GRAMD1C: variants seen among roughly 807,000 people sequenced by gnomAD.
GRAMD1C encodes the protein protein Aster-C.
A neutral mutation model predicts 97.8 loss-of-function variants in GRAMD1C; 89 were observed. The ratio of observed to expected loss-of-function variants is 0.91; its 90% CI spans 0.77 to 1.09. GRAMD1C has a LOEUF of 1.09. Among genes scored for constraint, GRAMD1C ranks in the 50% least tolerant of loss-of-function variants. GRAMD1C has a pLI of 0.00. For synonymous variants in GRAMD1C, 256 were observed against 267.0 expected, an observed-to-expected ratio of 0.96 and a Z score of 0.40; for missense variants, 740 against 766.4, an observed-to-expected ratio of 0.97 and a Z score of 0.41.
chr3:113,854,053 TG>T (rs930145086), intron 2 of GRAMD1C, among the ~76,000 whole-genome samples: 2 of 152,022 alleles, frequency 1.3e-5, no homozygotes, highest in African/African-American at 4.8e-5. Context: ...CCTAGGTTTC[TG>T]GTCAGTGCAA....
intron 11 of GRAMD1C, 56 bp downstream of exon 11, chr3:113,930,888 G>A: frequency 2.3e-6 from 2 of 862,808 alleles, no homozygotes; most frequent in Non-Finnish European, 3.8e-6. Flanking sequence ...GAGAGAAGAT[G>A]CCTATTATAG....
At chr3:113,933,680 G>C in intron 12 of GRAMD1C, 27 bp downstream of exon 12, 2 of 1,529,414 alleles carry the variant, frequency 1.3e-6, no homozygotes, top group Non-Finnish European at 1.8e-6. Context: ...GAATGTGTTA[G>C]GATAGGCTAG....
chr3:113,832,447 T>C (rs1047731530), intron 1 of GRAMD1C, among the ~76,000 whole-genome samples: 2 of 152,210 alleles, frequency 1.3e-5, no homozygotes, highest in African/African-American at 4.8e-5. Flanking sequence ...TATGTTATGG[T>C]AAAATATACA....
At chr3:113,885,221 G>A (rs1028288687) in intron 6 of GRAMD1C, 6 of 847,012 alleles carry the variant, frequency 7.1e-6, no homozygotes, top group African/African-American at 3.4e-5. Context: ...CCCTCCCTTC[G>A]GCGGGGGTTG....
intron 1 of GRAMD1C, among the ~76,000 whole-genome samples, chr3:113,840,032 T>A (rs528867058): frequency 6.6e-6 from 1 of 152,180 alleles, no homozygotes; most frequent in South Asian, 2.1e-4. Context: ...AGTGGCGCAA[T>A]CTCGGCTCAC....
Position 113,938,079 on chromosome 3 carries a change from T to C in GRAMD1C, c.1634-7T>C. On this transcript the variant is annotated splice_region_variant and splice_polypyrimidine_tract_variant and intron_variant, in intron 14 of 17. Coordinates refer to ENST00000358160, the MANE Select transcript of GRAMD1C (RefSeq NM_017577.5). The stretch of plus-strand genomic sequence containing the variant: ...TTCTAATGCAGCCTTTTTCTTGTGA[T>C]CTACAGGAAAGAAAAAGGAAATGGA... The C allele has an allele frequency of 2.1e-6, 3 of 1,444,494 alleles. No individual in the cohort carries two copies. The highest frequency in any genetic ancestry group is 1.2e-5 in the South Asian group (1 of 81,758). 89.5% of individuals were successfully genotyped at this position (1,444,494 alleles called of 1,614,324 possible). A position where few individuals can be genotyped will look rare whatever the true frequency, so the allele number is the denominator to read the frequency against.
At chr3:113,875,107 C>T (rs1293954560) in intron 3 of GRAMD1C, among the ~76,000 whole-genome samples, 1 of 150,728 alleles carries the variant, frequency 6.6e-6, no homozygotes, top group African/African-American at 2.4e-5. Flanking sequence ...TCCTTCTGAC[C>T]CTTTATTGAT....
chr3:113,904,280 T>G lies in GRAMD1C; in HGVS notation c.789+8T>G. On this transcript the variant is annotated splice_region_variant and intron_variant, in intron 8 of 17. Transcript: ENST00000358160. ...GGAAATTCATCAAAAGGAGTTAGTATATGATATCCCTTTTAAAATATATCT... is the reference window on the plus strand; with the variant it reads ...GGAAATTCATCAAAAGGAGTTAGTAGATGATATCCCTTTTAAAATATATCT... The G allele has an allele frequency of 6.4e-7, 1 of 1,571,140 alleles. No individual in the cohort carries two copies. Among genetic ancestry groups the G allele is most frequent in the Non-Finnish European group, 8.8e-7 (1 of 1,141,124 alleles).
chr3:113,898,782 A>G (rs778191283), intron 6 of GRAMD1C, among the ~76,000 whole-genome samples: 9 of 152,148 alleles, frequency 5.9e-5, no homozygotes, highest in Non-Finnish European at 8.8e-5. Flanking sequence ...TAACTTGAAT[A>G]GCTTTATTTT....
rs1256188993 is a variant in GRAMD1C at position 113,849,307 on chromosome 3, A to ATTTT, written c.174+4661_174+4664dup. ...TATTTATTTATTTATTTATTTATTT[A>ATTTT]TTTTTTATTGATCATTCTTGGGTGT... On this transcript the variant is annotated intron_variant, in intron 2 of 17. Coordinates refer to ENST00000358160, the MANE Select transcript of GRAMD1C (RefSeq NM_017577.5). 1.8e-3 allele frequency among the ~76,000 whole-genome samples: 258 copies of ATTTT among 141,008 alleles called. 1 individual carries two copies. The highest frequency in any genetic ancestry group is 4.1e-3 in the African/African-American group (156 of 38,318). 92.5% of individuals were successfully genotyped at this position (141,008 alleles called of 152,430 possible). A position where few individuals can be genotyped will look rare whatever the true frequency, so the allele number is the denominator to read the frequency against.
At chr3:113,829,383 G>A (rs9883363) in intron 1 of GRAMD1C, among the ~76,000 whole-genome samples, 33,842 of 152,112 alleles carry the variant, frequency 0.22, 4,007 homozygotes, top group Admixed American at 0.3. Context: ...GGTTAAGACT[G>A]CAGTGAACAG....
chr3:113,931,508 G>A (rs1204523528), intron 11 of GRAMD1C, among the ~76,000 whole-genome samples: 1 of 151,944 alleles, frequency 6.6e-6, no homozygotes, highest in African/African-American at 2.4e-5. Flanking sequence ...ACAGGCGCAC[G>A]CCACCATGCC....
At chr3:113,923,217 C>T (rs1042926618) in intron 10 of GRAMD1C, among the ~76,000 whole-genome samples, 1 of 152,074 alleles carries the variant, frequency 6.6e-6, no homozygotes, top group East Asian at 1.9e-4. Flanking sequence ...ATATCTTCTG[C>T]AAATAGATAT....
chr3:113,912,471 C>T lies in GRAMD1C; in HGVS notation c.953-3230C>T, dbSNP rs79005604. Among the ~76,000 whole-genome samples, 213 of 152,172 alleles carry T rather than the reference C, an allele frequency of 1.4e-3. 1 individual carries two copies. The highest frequency in any genetic ancestry group is 4.9e-3 in the African/African-American group (205 of 41,502). On this transcript the variant is annotated intron_variant, in intron 9 of 17. Transcript: ENST00000358160. ...GATTTTGGTTTTTCTTGGTTGAGCA[C>T]GGTGGCTCATGCCCGTAATCCCAGT...
chr3:113,901,424 C>T (rs1316369056), intron 7 of GRAMD1C, among the ~76,000 whole-genome samples: 1 of 152,064 alleles, frequency 6.6e-6, no homozygotes, highest in South Asian at 2.1e-4. Context: ...TGGAGAAGTA[C>T]CTAGTGAAAT....
upstream of GRAMD1C, among the ~76,000 whole-genome samples, chr3:113,834,939 C>T (rs1261199453): frequency 4.0e-5 from 5 of 126,056 alleles, no homozygotes; most frequent in South Asian, 2.5e-4. Flanking sequence ...AACTCCGTCT[C>T]AAAAAAAAAA....
At chr3:113,858,802 G>A (rs1380544924) in intron 2 of GRAMD1C, among the ~76,000 whole-genome samples, 12 of 152,144 alleles carry the variant, frequency 7.9e-5, no homozygotes, top group Admixed American at 1.3e-4. Context: ...TAGGTGACCC[G>A]CCCTCCTCGG....
chr3:113,845,691 A>G (rs1933576200), intron 2 of GRAMD1C, among the ~76,000 whole-genome samples: 1 of 151,362 alleles, frequency 6.6e-6, no homozygotes, highest in Non-Finnish European at 1.5e-5. Context: ...GGTAACAGAG[A>G]GAGACCCTGT....
intron 6 of GRAMD1C, chr3:113,885,587 G>A: frequency 3.2e-6 from 5 of 1,540,626 alleles, no homozygotes; most frequent in Non-Finnish European, 3.6e-6. Context: ...TCCTCAAGGT[G>A]GTAATAGACA....
Sources: allele counts gnomAD v4.1 joint callset (sites outside exome capture counted in the v4.1 genomes callset), GRCh38; gene constraint gnomAD v4.1.1; transcripts MANE v1.5; gene names NCBI Gene and HGNC (gene_info 2026-07-23, HGNC 2026-07-21).